FMN2: variants seen among roughly 807,000 people sequenced by gnomAD.
FMN2 encodes formin-2.
FMN2 carries 51 observed loss-of-function variants against 142.3 expected under a neutral mutation model. The ratio of observed to expected loss-of-function variants is 0.36; its 90% CI spans 0.29 to 0.45. The LOEUF (loss-of-function observed/expected upper bound fraction) is 0.45. Ranked by LOEUF, FMN2 falls within the 20% of genes least tolerant of loss-of-function variation. FMN2 has a pLI of 1.00. For missense variants in FMN2, 1,936 were observed against 2,122.8 expected (o/e 0.91, Z 1.73); for synonymous variants, 882 against 869.8 (o/e 1.01, Z -0.25).
At chr1:240,093,870 C>A in intron 1 of FMN2, 146 bp downstream of exon 1, 1 of 504,472 alleles carries the variant, frequency 2.0e-6, no homozygotes, top group Non-Finnish European at 3.1e-6. Flanking sequence ...TTCCGCCCAG[C>A]GAGCTCACCC....
rs377122737 is a variant in FMN2, at chr1:240,142,834, C to T, written c.1782+19489C>T. On this transcript the variant is annotated intron_variant, in intron 2 of 17. Transcript: ENST00000319653. The stretch of plus-strand genomic sequence containing the variant: ...ATGGTCTTAGGCTTGCCAGCCTGGC[C>T]CACCACATCCACTGCCTGGCCTACA... The T allele has an allele frequency of 2.0e-5, 32 of 1,585,596 alleles. No individual in the cohort carries two copies. The Middle Eastern group carries it at 8.2e-4, about 41-fold the overall frequency.
rs553161178 is a variant in FMN2 at position 240,455,820 on chromosome 1, CA to C, written c.5061-16547del. ...GTGAAACCCCATCTCTATAAAAATA[CA>C]AAAATTAGCCAGGCGTGGTGACAGG... On this transcript the variant is annotated intron_variant, in intron 16 of 17. Coordinates refer to ENST00000319653, the MANE Select transcript of FMN2 (RefSeq NM_020066.5). 3.2e-3 allele frequency among the ~76,000 whole-genome samples: 480 copies of C among 151,964 alleles called. 6 individuals are homozygous for C. The highest frequency in any genetic ancestry group is 0.011 in the African/African-American group (453 of 41,448).
intron 4 of FMN2, among the ~76,000 whole-genome samples, chr1:240,193,151 T>C (rs899847951): frequency 6.6e-6 from 1 of 152,190 alleles, no homozygotes; most frequent in Non-Finnish European, 1.5e-5. Context: ...ACATTATTAA[T>C]GGCCTGTGGA....
At chr1:240,361,132 A>AATAAATAAATATATATATATATAT (rs1672450710) in intron 14 of FMN2, among the ~76,000 whole-genome samples, 1 of 35,710 alleles carries the variant, frequency 2.8e-5, no homozygotes, top group African/African-American at 5.3e-5. Flanking sequence ...ATAATAAATA[A>AATAAATAAATATATATATATATAT]ATATATGTGT....
At chr1:240,246,270 C>T (rs935222614) in intron 6 of FMN2, among the ~76,000 whole-genome samples, 6 of 152,166 alleles carry the variant, frequency 3.9e-5, no homozygotes, top group Non-Finnish European at 7.3e-5. Flanking sequence ...TTCTGTTGTC[C>T]GTAACTTAGT....
At chr1:240,160,353 A>G (rs1236904016) in intron 2 of FMN2, among the ~76,000 whole-genome samples, 3 of 151,704 alleles carry the variant, frequency 2.0e-5, no homozygotes, top group Admixed American at 2.0e-4. Flanking sequence ...GGCTGGTTTA[A>G]TATTTGAAAA....
chr1:240,424,314 G>A (rs1248075039), intron 15 of FMN2, among the ~76,000 whole-genome samples: 1 of 152,160 alleles, frequency 6.6e-6, no homozygotes, highest in South Asian at 2.1e-4. Context: ...CTTGGCAGTA[G>A]CTACTGCAGA....
At chr1:240,166,953 C>G (rs375455892) in intron 2 of FMN2, among the ~76,000 whole-genome samples, 93 of 152,226 alleles carry the variant, frequency 6.1e-4, no homozygotes, top group African/African-American at 2.2e-3. Flanking sequence ...GAAACCCAAT[C>G]TCTACCAAAA....
At chr1:240,158,295 T>C (rs982760452) in intron 2 of FMN2, among the ~76,000 whole-genome samples, 1 of 152,162 alleles carries the variant, frequency 6.6e-6, no homozygotes, top group African/African-American at 2.4e-5. Flanking sequence ...AAAGCTTCTA[T>C]GCTTGGCTGG....
chr1:240,406,252 C>G (rs1572274296), intron 15 of FMN2, among the ~76,000 whole-genome samples: 1 of 108,976 alleles, frequency 9.2e-6, no homozygotes, highest in Non-Finnish European at 1.8e-5. Context: ...GGGAAGCAGC[C>G]TCGGGAGTCG....
chr1:240,399,526 G>A (rs1264414465), intron 15 of FMN2, among the ~76,000 whole-genome samples: 5 of 152,136 alleles, frequency 3.3e-5, no homozygotes, highest in Admixed American at 6.5e-5. Flanking sequence ...CTCTAATCCA[G>A]ACACTTATGG....
intron 13 of FMN2, among the ~76,000 whole-genome samples, chr1:240,335,190 T>C (rs777368843): frequency 6.6e-6 from 1 of 152,176 alleles, no homozygotes; most frequent in Admixed American, 6.6e-5. Flanking sequence ...CGGACCTGGT[T>C]CATGGCAGAC....
chr1:240,358,867 T>C (rs1672370937), intron 14 of FMN2, among the ~76,000 whole-genome samples: 1 of 152,162 alleles, frequency 6.6e-6, no homozygotes, highest in Non-Finnish European at 1.5e-5. Flanking sequence ...CCAGGCCCAG[T>C]GGCTCACTCC....
intron 2 of FMN2, among the ~76,000 whole-genome samples, chr1:240,136,439 C>G (rs879776383): frequency 6.6e-6 from 1 of 152,180 alleles, no homozygotes; most frequent in Non-Finnish European, 1.5e-5. Context: ...AAAACACACT[C>G]GTGGCAATCA....
chr1:240,426,416 A>G (rs954656064), intron 15 of FMN2, among the ~76,000 whole-genome samples: 2 of 152,164 alleles, frequency 1.3e-5, no homozygotes, highest in African/African-American at 4.8e-5. Context: ...TCTTAAAAAT[A>G]TTTCTAGAAT....
chr1:240,429,655 A>G (rs1675071665), intron 15 of FMN2, among the ~76,000 whole-genome samples: 1 of 152,174 alleles, frequency 6.6e-6, no homozygotes, highest in South Asian at 2.1e-4. Context: ...GGACTTTTAT[A>G]AGTGGAATCA....
At chr1:240,411,999 C>T (rs576776997) in intron 15 of FMN2, among the ~76,000 whole-genome samples, 3 of 152,232 alleles carry the variant, frequency 2.0e-5, no homozygotes, top group African/African-American at 4.8e-5. Context: ...AAGAGAGAGT[C>T]CACGTGATCA....
chr1:240,407,517 C>T lies in FMN2; in HGVS notation c.4910+14955C>T, dbSNP rs1572275813. On this transcript the variant is annotated intron_variant, in intron 15 of 17. Coordinates refer to ENST00000319653, the MANE Select transcript of FMN2 (RefSeq NM_020066.5). ...TGATTCCAGCACCGTTGAAGTCCTG[C>T]ATCTGCAGAGAGTGTCAAGGAGGGA... Among the ~76,000 whole-genome samples the T allele has an allele frequency of 4.6e-5, 7 of 152,304 alleles. 1 individual carries two copies. The South Asian group carries it at 1.2e-3, about 27-fold the overall frequency.
intron 5 of FMN2, among the ~76,000 whole-genome samples, chr1:240,210,211 C>T (rs1478569826): frequency 6.6e-6 from 1 of 152,146 alleles, no homozygotes; most frequent in Non-Finnish European, 1.5e-5. Flanking sequence ...TGAGACAATG[C>T]TGTGATACTT....
Sources: gnomAD v4.1 joint callset for allele counts (sites outside exome capture counted in the v4.1 genomes callset) on GRCh38, gnomAD v4.1.1 for gene constraint, MANE v1.5 for transcripts, NCBI Gene and HGNC (gene_info 2026-07-23, HGNC 2026-07-21) for gene names.